BST1: variants seen among roughly 807,000 people sequenced by gnomAD.
BST1 encodes bone marrow stromal cell antigen 1.
Under a neutral mutation model 40.6 loss-of-function variants are expected in BST1, and 49 were observed. The observed-to-expected ratio is 1.21, with a 90% CI of 0.96 to 1.53. BST1 has a LOEUF of 1.53. BST1 is among the 40% of genes most tolerant of loss of function. BST1 has a pLI of 0.00. For synonymous variants in BST1, 157 were observed against 159.3 expected (o/e 0.99, Z 0.11); for missense variants, 423 against 395.9 (o/e 1.07, Z -0.58).
downstream of BST1, chr4:15,736,020 T>C: frequency 1.6e-6 from 2 of 1,223,650 alleles, no homozygotes. Flanking sequence ...GACATTTTTC[T>C]ATGTGTTTTT....
the BST1 span, among the ~76,000 whole-genome samples, chr4:15,764,277 G>C: frequency 6.6e-6 from 1 of 151,978 alleles, no homozygotes; most frequent in African/African-American, 2.4e-5. Flanking sequence ...TATTTTCAAT[G>C]AATTATATTT....
At chr4:15,750,250 C>T in the BST1 span, among the ~76,000 whole-genome samples, 1 of 152,100 alleles carries the variant, frequency 6.6e-6, no homozygotes, top group East Asian at 1.9e-4. Flanking sequence ...GTCTCAAACT[C>T]CTGACCTCAG....
chr4:15,768,618 C>T, the BST1 span, among the ~76,000 whole-genome samples: 3 of 151,858 alleles, frequency 2.0e-5, no homozygotes, highest in South Asian at 4.2e-4. Context: ...CTCAGCCTCC[C>T]GAGTAGCTGG....
chr4:15,731,256 G>A (rs1006725427), intron 8 of BST1: 14 of 489,440 alleles, frequency 2.9e-5, no homozygotes, highest in African/African-American at 1.2e-4. Context: ...GGACTGGGCC[G>A]AGGATTCGTG....
At chr4:15,703,461 G>A in intron 1 of BST1, 129 bp downstream of exon 1, 2 of 1,389,974 alleles carry the variant, frequency 1.4e-6, no homozygotes, top group East Asian at 2.7e-5. Flanking sequence ...GGAGAGGTGA[G>A]TGTGGAGACA....
At chr4:15,766,239 A>G in the BST1 span, among the ~76,000 whole-genome samples, 1 of 151,998 alleles carries the variant, frequency 6.6e-6, no homozygotes, top group South Asian at 2.1e-4. Context: ...ACGAGCTTGT[A>G]ATCCAGACAT....
chr4:15,725,419 T>C (rs901116220), intron 8 of BST1, among the ~76,000 whole-genome samples: 2 of 152,212 alleles, frequency 1.3e-5, no homozygotes, highest in African/African-American at 4.8e-5. Context: ...TCGTTCCCTG[T>C]GAATTTGGCA....
At chr4:15,763,807 G>A in the BST1 span, among the ~76,000 whole-genome samples, 3 of 151,962 alleles carry the variant, frequency 2.0e-5, no homozygotes, top group African/African-American at 4.8e-5. Flanking sequence ...CTAAGTGAAC[G>A]AAGCCAATCT....
chr4:15,721,440 T>C (rs1477357808), intron 7 of BST1, among the ~76,000 whole-genome samples: 2 of 152,194 alleles, frequency 1.3e-5, no homozygotes, highest in Non-Finnish European at 2.9e-5. Context: ...ATTAAAAATA[T>C]GTGCATCACA....
intron 1 of BST1, among the ~76,000 whole-genome samples, chr4:15,705,273 C>A (rs575836317): frequency 1.3e-5 from 2 of 151,988 alleles, no homozygotes; most frequent in South Asian, 4.2e-4. Flanking sequence ...CTCCGTGAGC[C>A]TGGGGCAAGG....
chr4:15,749,524 C>T, the BST1 span, among the ~76,000 whole-genome samples: 3 of 152,126 alleles, frequency 2.0e-5, no homozygotes, highest in East Asian at 1.9e-4. Context: ...ATTCTATCAC[C>T]GTCCTGGTCA....
the BST1 span, among the ~76,000 whole-genome samples, chr4:15,762,903 A>C: frequency 6.6e-6 from 1 of 152,008 alleles, no homozygotes; most frequent in African/African-American, 2.4e-5. Flanking sequence ...TGGCTGAGTA[A>C]TATTCTATTG....
Position 15,705,598 on chromosome 4 carries a change from A to G in BST1, c.272A>G (p.Asp91Gly), listed in dbSNP as rs1378004824. ...TGCTCCGTGCTGCCCTCAGACTATG[A>G]CCTTTTTATTAACTTGTCCAGGCAC... ...DPCSVLPSDY[D>G]LFINLSRHSI... Residue 91 changes from aspartate to glycine, a missense_variant, in exon 2 of 9, where the codon GAC becomes GGC. Transcript: ENST00000265016. 6.2e-7 allele frequency: 1 copy of G among 1,614,016 alleles called. No individual in the cohort carries two copies. Among genetic ancestry groups the G allele is most frequent in the South Asian group, 1.1e-5 (1 of 91,076 alleles).
the BST1 span, among the ~76,000 whole-genome samples, chr4:15,751,315 T>C: frequency 6.6e-6 from 1 of 152,072 alleles, no homozygotes; most frequent in Non-Finnish European, 1.5e-5. Context: ...TTGAAAAAAA[T>C]CTCGGGGAAC....
At position 15,716,559 on chromosome 4, in the gene BST1, C is replaced by T. The variant is rs946671010; in HGVS notation, c.704+760C>T. Among the ~76,000 whole-genome samples the T allele has an allele frequency of 7.2e-5, 11 of 152,230 alleles. No homozygotes were observed. In the South Asian group the frequency reaches 1.0e-3, roughly 14 times the overall value. ...AGAACTTCAGTGAATTCCCTGTGTC[C>T]GTGTTGGCCCCCAGGACCTTCTAAG... On this transcript the variant is annotated intron_variant, in intron 6 of 8. Coordinates refer to ENST00000265016, the MANE Select transcript of BST1 (RefSeq NM_004334.3).
chr4:15,753,376 G>C, the BST1 span, among the ~76,000 whole-genome samples: 1 of 152,186 alleles, frequency 6.6e-6, no homozygotes, highest in Non-Finnish European at 1.5e-5. Flanking sequence ...GAATTAGAAG[G>C]TATCCATCGT....
At chr4:15,750,024 A>T in the BST1 span, among the ~76,000 whole-genome samples, 1 of 142,562 alleles carries the variant, frequency 7.0e-6, no homozygotes, top group African/African-American at 2.6e-5. Context: ...CTATCCTTCT[A>T]CCTTTTATGT....
chr4:15,763,215 A>G, the BST1 span, among the ~76,000 whole-genome samples: 1 of 152,030 alleles, frequency 6.6e-6, no homozygotes, highest in East Asian at 1.9e-4. Flanking sequence ...TTTTAAAATA[A>G]AATAAATTAA....
the BST1 span, among the ~76,000 whole-genome samples, chr4:15,765,191 C>T: frequency 3.7e-4 from 56 of 151,976 alleles, no homozygotes; most frequent in Admixed American, 1.1e-3. Context: ...AATGAATTCT[C>T]CTTTCATAGT....
Sources: allele counts gnomAD v4.1 joint callset (sites outside exome capture counted in the v4.1 genomes callset), GRCh38; gene constraint gnomAD v4.1.1; transcripts MANE v1.5; gene names NCBI Gene and HGNC (gene_info 2026-07-23, HGNC 2026-07-21).